The following NPFFR2 variants were observed in gnomAD, a reference collection of about 807,000 sequenced individuals.
The protein encoded by NPFFR2 is neuropeptide FF receptor 2.
In NPFFR2, 15 loss-of-function variants were observed where a neutral mutation model predicts 13.1. The observed-to-expected ratio is 1.15, with a 90% CI of 0.77 to 1.76. The LOEUF (loss-of-function observed/expected upper bound fraction) is 1.76, where lower values mean the gene tolerates loss of function less well. Ranked by LOEUF, NPFFR2 falls within the 40% of genes most tolerant of loss-of-function variation. The pLI is 0.00. For synonymous variants in NPFFR2, 190 were observed against 175.7 expected, an observed-to-expected ratio of 1.08 and a Z score of -0.65; for missense variants, 572 against 503.5, an observed-to-expected ratio of 1.14 and a Z score of -1.30.
At chr4:72,126,077 A>AT (rs1722036371) in intron 1 of NPFFR2, among the ~76,000 whole-genome samples, 1 of 152,200 alleles carries the variant, frequency 6.6e-6, no homozygotes, top group South Asian at 2.1e-4. Flanking sequence ...AAGATTATGC[A>AT]TTTTTGACAA....
chr4:72,085,380 T>C (rs1426518361), intron 1 of NPFFR2, among the ~76,000 whole-genome samples: 1 of 152,116 alleles, frequency 6.6e-6, no homozygotes, highest in Non-Finnish European at 1.5e-5. Context: ...GTAACTTGGA[T>C]TCTTGTTTTT....
intron 3 of NPFFR2, among the ~76,000 whole-genome samples, chr4:72,144,913 C>T (rs1169213005): frequency 6.6e-6 from 1 of 152,184 alleles, no homozygotes; most frequent in Non-Finnish European, 1.5e-5. Flanking sequence ...TGTTTTCTAA[C>T]TGGCCTTCGG....
intron 1 of NPFFR2, among the ~76,000 whole-genome samples, chr4:72,106,980 A>G (rs755914783): frequency 6.6e-6 from 1 of 151,962 alleles, no homozygotes. Context: ...CAGCTGCTAT[A>G]TAAAAATAAA....
At chr4:72,112,527 A>G (rs1721592281) in intron 1 of NPFFR2, among the ~76,000 whole-genome samples, 1 of 151,966 alleles carries the variant, frequency 6.6e-6, no homozygotes, top group African/African-American at 2.4e-5. Context: ...TTCCCATTAC[A>G]TAAGGAGAAC....
chr4:72,040,068 T>C (rs1719163491), intron 1 of NPFFR2, among the ~76,000 whole-genome samples: 1 of 152,190 alleles, frequency 6.6e-6, no homozygotes, highest in Non-Finnish European at 1.5e-5. Flanking sequence ...ATACATTCTT[T>C]GAATATTGTA....
At chr4:72,102,375 G>A (rs1244658259) in intron 1 of NPFFR2, among the ~76,000 whole-genome samples, 1 of 150,338 alleles carries the variant, frequency 6.7e-6, no homozygotes, top group African/African-American at 2.5e-5. Context: ...TATGAATGAG[G>A]AAATTATTAT....
At chr4:72,102,164 T>G (rs1449471609) in intron 1 of NPFFR2, among the ~76,000 whole-genome samples, 1 of 151,988 alleles carries the variant, frequency 6.6e-6, no homozygotes, top group Non-Finnish European at 1.5e-5. Context: ...AGCTTTTTAG[T>G]GGAAAAAGCT....
chr4:72,051,569 G>A (rs76994868), intron 1 of NPFFR2, among the ~76,000 whole-genome samples: 149,263 of 149,322 alleles, frequency 1, 74,602 homozygotes, highest in Middle Eastern at 1. Context: ...ACACCCTAAC[G>A]TCACAATTGA....
chr4:72,083,289 T>A (rs375070690), intron 1 of NPFFR2, among the ~76,000 whole-genome samples: 1 of 152,204 alleles, frequency 6.6e-6, no homozygotes, highest in Admixed American at 6.5e-5. Context: ...AATGGTTGTA[T>A]TAATTTATAT....
In NPFFR2 at chr4:72,133,853, A is replaced by AT. The variant is rs144540849; in HGVS notation, c.329-4178dup. Among the ~76,000 whole-genome samples, 401 of 151,634 alleles carry AT rather than the reference A, an allele frequency of 2.6e-3. 1 individual carries two copies. The highest frequency in any genetic ancestry group is 4.5e-3 in the Non-Finnish European group (304 of 67,862). On this transcript the variant is annotated intron_variant, in intron 2 of 3. Coordinates refer to ENST00000308744, the MANE Select transcript of NPFFR2 (RefSeq NM_004885.3). ...GAATGCCAGTGATTTTTGTACATTG[A>AT]TTTTTTTTTACCCTGAGACTTTTAG...
chr4:72,088,961 G>A (rs919858601), intron 1 of NPFFR2, among the ~76,000 whole-genome samples: 2 of 151,968 alleles, frequency 1.3e-5, no homozygotes, highest in African/African-American at 4.8e-5. Context: ...CCAGCGTGTA[G>A]TCTTTTATCC....
At chr4:72,064,571 T>G (rs1720012565) in intron 1 of NPFFR2, among the ~76,000 whole-genome samples, 1 of 152,086 alleles carries the variant, frequency 6.6e-6, no homozygotes, top group Admixed American at 6.6e-5. Flanking sequence ...AACCCACTCT[T>G]AAGGAAGTGG....
At position 72,032,093 on chromosome 4, in the gene NPFFR2, C is replaced by G. The variant is rs1401972976; in HGVS notation, c.-115C>G. ...GGGACAGACGTCGGCTGGGATTGAG[C>G]CGGCAGACTGCGAAAAGTAGCTGGA... On this transcript the variant is annotated 5_prime_UTR_variant, in exon 1 of 4. Coordinates refer to ENST00000308744, the MANE Select transcript of NPFFR2 (RefSeq NM_004885.3). 1.2e-6 allele frequency: 2 copies of G among 1,613,948 alleles called. No individual in the cohort carries two copies. The highest frequency in any genetic ancestry group is 1.1e-5 in the South Asian group (1 of 91,078).
chr4:72,058,906 C>T (rs1719839284), intron 1 of NPFFR2, among the ~76,000 whole-genome samples: 1 of 152,100 alleles, frequency 6.6e-6, no homozygotes, highest in African/African-American at 2.4e-5. Flanking sequence ...CTTCATAGCT[C>T]TAGCAAATAC....
rs28565115 is a variant in NPFFR2, at chr4:72,058,514, C to G, written c.-8+26314C>G. ...ATGTTTTAATGCATATAAGCTGGTC[C>G]CTGGCAACTAAGCCAGTGACCTGAC... On this transcript the variant is annotated intron_variant, in intron 1 of 3. Coordinates refer to ENST00000308744, the MANE Select transcript of NPFFR2 (RefSeq NM_004885.3). Among the ~76,000 whole-genome samples, 895 of 152,018 alleles carry G rather than the reference C, an allele frequency of 5.9e-3. 6 individuals carry two copies. The highest frequency in any genetic ancestry group is 0.02 in the African/African-American group (834 of 41,504).
intron 3 of NPFFR2, among the ~76,000 whole-genome samples, chr4:72,144,780 C>A (rs1036176881): frequency 6.6e-6 from 1 of 152,138 alleles, no homozygotes; most frequent in African/African-American, 2.4e-5. Flanking sequence ...AACAAAAAAC[C>A]TGAGCTTTAT....
chr4:72,138,269 T>A (rs1485150077), intron 3 of NPFFR2, 130 bp downstream of exon 3: 41 of 638,664 alleles, frequency 6.4e-5, no homozygotes, highest in Non-Finnish European at 7.7e-5. Flanking sequence ...CCTCTTTTTT[T>A]AAATTATTAT....
intron 1 of NPFFR2, among the ~76,000 whole-genome samples, chr4:72,085,920 G>A (rs1308797865): frequency 3.3e-5 from 5 of 152,078 alleles, no homozygotes; most frequent in Non-Finnish European, 5.9e-5. Flanking sequence ...AGAAACAATG[G>A]AGGGAAAACA....
intron 1 of NPFFR2, among the ~76,000 whole-genome samples, chr4:72,063,841 A>G (rs1318595730): frequency 6.6e-6 from 1 of 152,206 alleles, no homozygotes; most frequent in African/African-American, 2.4e-5. Flanking sequence ...GCCAAAGACA[A>G]TGATTTTAAA....
Sources: gnomAD v4.1 joint callset for allele counts (sites outside exome capture counted in the v4.1 genomes callset) on GRCh38, gnomAD v4.1.1 for gene constraint, MANE v1.5 for transcripts, NCBI Gene and HGNC (gene_info 2026-07-23, HGNC 2026-07-21) for gene names.